LRRTM4: variants seen among roughly 807,000 people sequenced by gnomAD.
LRRTM4 encodes leucine-rich repeat transmembrane neuronal protein 4.
Under a neutral mutation model 47.6 loss-of-function variants are expected in LRRTM4, and 25 were observed. The observed-to-expected ratio is 0.53, with a 90% CI of 0.38 to 0.73. The LOEUF (loss-of-function observed/expected upper bound fraction) is 0.73. Ranked by LOEUF, LRRTM4 falls within the 30% of genes least tolerant of loss-of-function variation. LRRTM4 has a pLI of 0.00. For synonymous variants in LRRTM4, 311 were observed against 269.5 expected (o/e 1.15, Z -1.51); for missense variants, 638 against 713.4 (o/e 0.89, Z 1.20).
chr2:76,993,925 A>G (rs1265531785), intron 3 of LRRTM4, among the ~76,000 whole-genome samples: 1 of 152,144 alleles, frequency 6.6e-6, no homozygotes, highest in African/African-American at 2.4e-5. Flanking sequence ...CTATGCAGAC[A>G]TAACATAAAA....
In LRRTM4 at chr2:77,045,666, C is replaced by A. The variant is rs113377676; in HGVS notation, c.1552-296750G>T. 6.6e-3 allele frequency among the ~76,000 whole-genome samples: 1,008 copies of A among 152,050 alleles called. 12 individuals carry two copies. Among genetic ancestry groups the A allele is most frequent in the African/African-American group, 0.023 (972 of 41,522 alleles). The stretch of plus-strand genomic sequence containing the variant: ...GCACAAGCTCTCTCTTTGCTTGCTG[C>A]CATCCATGTAAGATGTGCCTTGCTC... On this transcript the variant is annotated intron_variant, in intron 3 of 3. Coordinates refer to ENST00000409884, the MANE Select transcript of LRRTM4 (RefSeq NM_001134745.3).
chr2:76,840,854 G>C (rs1449107796), intron 3 of LRRTM4, among the ~76,000 whole-genome samples: 1 of 151,990 alleles, frequency 6.6e-6, no homozygotes, highest in Admixed American at 6.6e-5. Flanking sequence ...AACCATTGTG[G>C]AAGTCAGTGT....
At chr2:76,798,147 A>AT (rs897879967) in intron 3 of LRRTM4, among the ~76,000 whole-genome samples, 6 of 152,004 alleles carry the variant, frequency 3.9e-5, no homozygotes, top group Admixed American at 1.3e-4. Context: ...CACAATATAC[A>AT]TTTTTTTCAG....
intron 3 of LRRTM4, among the ~76,000 whole-genome samples, chr2:77,362,661 G>A (rs1162902523): frequency 1.3e-5 from 2 of 152,284 alleles, no homozygotes; most frequent in Admixed American, 6.5e-5. Context: ...CTAATGGGAA[G>A]TAAAATCTGA....
chr2:77,197,860 A>T (rs1673872136), intron 3 of LRRTM4, among the ~76,000 whole-genome samples: 1 of 152,216 alleles, frequency 6.6e-6, no homozygotes, highest in Non-Finnish European at 1.5e-5. Flanking sequence ...TTCCTTGCAA[A>T]GGCATAGAGA....
At chr2:77,147,320 G>C (rs900558015) in intron 3 of LRRTM4, among the ~76,000 whole-genome samples, 1 of 152,172 alleles carries the variant, frequency 6.6e-6, no homozygotes, top group Non-Finnish European at 1.5e-5. Flanking sequence ...TGTATCAAAT[G>C]TAATGACTCA....
At chr2:76,955,233 G>T (rs1206258198) in intron 3 of LRRTM4, among the ~76,000 whole-genome samples, 1 of 151,622 alleles carries the variant, frequency 6.6e-6, no homozygotes, top group Non-Finnish European at 1.5e-5. Context: ...TCTGAAGTAG[G>T]AGTTAACAAA....
At chr2:77,316,000 A>G (rs1263792466) in intron 3 of LRRTM4, among the ~76,000 whole-genome samples, 1 of 152,190 alleles carries the variant, frequency 6.6e-6, no homozygotes, top group African/African-American at 2.4e-5. Flanking sequence ...AAAACTCTCC[A>G]GACTTTTTTC....
At chr2:76,934,880 A>C (rs1674889499) in intron 3 of LRRTM4, among the ~76,000 whole-genome samples, 2 of 126,310 alleles carry the variant, frequency 1.6e-5, no homozygotes, top group South Asian at 6.6e-4. Context: ...AGCTTAATCT[A>C]ACAATTCTGT....
At chr2:77,158,187 C>T (rs1672613575) in intron 3 of LRRTM4, among the ~76,000 whole-genome samples, 1 of 151,928 alleles carries the variant, frequency 6.6e-6, no homozygotes, top group South Asian at 2.1e-4. Flanking sequence ...GTTGCAAGGG[C>T]GTTTGCTTTA....
intron 3 of LRRTM4, among the ~76,000 whole-genome samples, chr2:77,349,589 G>A (rs1224932017): frequency 6.6e-6 from 1 of 151,682 alleles, no homozygotes; most frequent in Non-Finnish European, 1.5e-5. Flanking sequence ...GAATCTTAAA[G>A]TTTATAATAA....
intron 3 of LRRTM4, among the ~76,000 whole-genome samples, chr2:77,421,755 C>T (rs946456166): frequency 1.3e-5 from 2 of 151,716 alleles, no homozygotes; most frequent in Admixed American, 1.3e-4. Context: ...TCCTACAGTG[C>T]ACAGAACAAC....
intron 3 of LRRTM4, among the ~76,000 whole-genome samples, chr2:76,958,418 C>T (rs1675747905): frequency 6.6e-6 from 1 of 151,792 alleles, no homozygotes; most frequent in African/African-American, 2.4e-5. Context: ...TTGTAACGCA[C>T]CCACCCCTAC....
chr2:77,271,886 A>T (rs1289702149), intron 3 of LRRTM4, among the ~76,000 whole-genome samples: 1 of 151,842 alleles, frequency 6.6e-6, no homozygotes, highest in Non-Finnish European at 1.5e-5. Context: ...ATGCGTACTC[A>T]CTCCACAGGC....
chr2:77,519,192 G>A lies in LRRTM4; in HGVS notation c.677C>T (p.Pro226Leu). Residue 226 changes from proline (P) to leucine (L), a missense_variant, in exon 3 of 4, where the codon CCA becomes CTA. Pro to Leu is a moderately conservative substitution (Grantham distance 98, BLOSUM62 -3). Coordinates refer to ENST00000409884, the MANE Select transcript of LRRTM4 (RefSeq NM_001134745.3). This position sits in a 1 kb window ranked among gnomAD's most constrained non-coding sequence, Gnocchi z 4.6. ...QFSKINFAHFPRLFNLRSIYL... is the reference protein window; with the variant it reads ...QFSKINFAHFLRLFNLRSIYL... The stretch of plus-strand genomic sequence containing the variant: ...AATTGAGCGGAGGTTGAAGAGACGT[G>A]GAAAATGAGCAAAGTTGATCTTGGA... 1 of 1,613,244 alleles carries A rather than the reference G, an allele frequency of 6.2e-7. No homozygotes were observed. The highest frequency in any genetic ancestry group is 8.5e-7 in the Non-Finnish European group (1 of 1,179,586).
chr2:77,496,066 G>A (rs1247404593), intron 3 of LRRTM4, among the ~76,000 whole-genome samples: 2 of 151,712 alleles, frequency 1.3e-5, no homozygotes, highest in Non-Finnish European at 2.9e-5. Context: ...CAGAGTACAG[G>A]TTTTGGCTAT....
chr2:77,388,845 A>G (rs1204910840), intron 3 of LRRTM4, among the ~76,000 whole-genome samples: 11 of 152,152 alleles, frequency 7.2e-5, no homozygotes, highest in African/African-American at 2.6e-4. Context: ...TTTTGCATAA[A>G]TATATATATT....
intron 3 of LRRTM4, among the ~76,000 whole-genome samples, chr2:77,458,488 G>A (rs1359150988): frequency 3.3e-5 from 5 of 152,086 alleles, no homozygotes; most frequent in Non-Finnish European, 5.9e-5. Context: ...AACCTGAGAA[G>A]CAGCACTGTG....
At chr2:76,761,043 G>C (rs1369449956) in intron 3 of LRRTM4, among the ~76,000 whole-genome samples, 1 of 152,222 alleles carries the variant, frequency 6.6e-6, no homozygotes, top group African/African-American at 2.4e-5. Flanking sequence ...GCCACACTAT[G>C]TTTAGAAAGC....
Sources: allele counts gnomAD v4.1 joint callset (sites outside exome capture counted in the v4.1 genomes callset), GRCh38; gene constraint gnomAD v4.1.1; non-coding constraint Gnocchi (gnomAD v3.1); transcripts MANE v1.5; gene names NCBI Gene and HGNC (gene_info 2026-07-23, HGNC 2026-07-21).